DCAF8L2: variants seen among roughly 807,000 people sequenced by gnomAD.
DCAF8L2 encodes the protein DDB1- and CUL4-associated factor 8-like protein 2.
For synonymous variants in DCAF8L2, 200 were observed against 190.9 expected, an observed-to-expected ratio of 1.05 and a Z score of -0.39; for missense variants, 430 against 490.7, an observed-to-expected ratio of 0.88 and a Z score of 1.17.
intron 3 of DCAF8L2, among the ~76,000 whole-genome samples, chrX:27,701,535 GAATT>G (rs1931129483): frequency 1.8e-5 from 2 of 110,353 alleles, no homozygotes; most frequent in African/African-American, 3.3e-5. Context: ...TACTAAAAAA[GAATT>G]AAATTAGATA....
At chrX:27,591,198 A>G (rs1438191117) in intron 1 of DCAF8L2, among the ~76,000 whole-genome samples, 1 of 109,739 alleles carries the variant, frequency 9.1e-6, no homozygotes, top group East Asian at 2.9e-4. Flanking sequence ...AAGTTTTTCA[A>G]AAAATGTTTG....
rs56388041 is a variant in DCAF8L2, at chrX:27,598,974, A to ATATAT, written c.-342+8534_-342+8535insTATAT. 9.0e-3 allele frequency among the ~76,000 whole-genome samples: 830 copies of ATATAT among 92,145 alleles called. 15 individuals are homozygous for ATATAT. The highest frequency in any genetic ancestry group is 0.032 in the African/African-American group (753 of 23,587). The allele number at this position is 92,145 out of a possible 115,157, so 80.0% of individuals were successfully genotyped here. A position where few individuals can be genotyped will look rare whatever the true frequency, so the allele number is the denominator to read the frequency against. The stretch of plus-strand genomic sequence containing the variant: ...GGAAAGTTTCTCAAAAAAAAAAAAA[A>ATATAT]ATATATATATATATATATGATCCAG... On this transcript the variant is annotated intron_variant, in intron 1 of 4. Coordinates refer to ENST00000451261, the MANE Select transcript of DCAF8L2 (RefSeq NM_001353450.2).
intron 3 of DCAF8L2, among the ~76,000 whole-genome samples, chrX:27,692,493 C>G (rs997050225): frequency 9.0e-6 from 1 of 111,662 alleles, no homozygotes; most frequent in Non-Finnish European, 1.9e-5. Flanking sequence ...TATTTTCATT[C>G]AAATCTATTC....
At chrX:27,541,248 A>T in the DCAF8L2 span, among the ~76,000 whole-genome samples, 1 of 112,319 alleles carries the variant, frequency 8.9e-6, no homozygotes, top group African/African-American at 3.2e-5. Flanking sequence ...TCTGACAAAA[A>T]GAGTATGATC....
the DCAF8L2 span, among the ~76,000 whole-genome samples, chrX:27,579,615 T>TACACACACACACACACAC: frequency 2.2e-4 from 19 of 87,928 alleles, no homozygotes; most frequent in African/African-American, 6.1e-4. Context: ...TTCAGAGAAA[T>TACACACACACACACACAC]ACACACACAC....
the DCAF8L2 span, among the ~76,000 whole-genome samples, chrX:27,577,982 A>G: frequency 9.0e-6 from 1 of 111,495 alleles, no homozygotes; most frequent in Non-Finnish European, 1.9e-5. Context: ...GCCCAAAGTA[A>G]TTTATAGATT....
At chrX:27,546,652 C>T in the DCAF8L2 span, among the ~76,000 whole-genome samples, 1 of 112,255 alleles carries the variant, frequency 8.9e-6, no homozygotes, top group African/African-American at 3.2e-5. Flanking sequence ...TTTTGTGCAC[C>T]CACAGGCCCA....
chrX:27,605,875 A>G (rs1447637503), intron 1 of DCAF8L2, among the ~76,000 whole-genome samples: 1 of 111,328 alleles, frequency 9.0e-6, no homozygotes, highest in African/African-American at 3.3e-5. Context: ...AGACTTTTCT[A>G]TCTTAACCTC....
the DCAF8L2 span, among the ~76,000 whole-genome samples, chrX:27,568,613 G>A: frequency 9.3e-6 from 1 of 107,573 alleles, no homozygotes; most frequent in African/African-American, 3.4e-5. Flanking sequence ...TAAGAAGTTT[G>A]TAGAGCAAGT....
chrX:27,597,956 T>C (rs1181592232), intron 1 of DCAF8L2, among the ~76,000 whole-genome samples: 2 of 112,394 alleles, frequency 1.8e-5, no homozygotes, highest in African/African-American at 6.5e-5. Context: ...TATGTGACTC[T>C]TTCTCAAAGC....
chrX:27,696,279 AAAG>A (rs1930904898), intron 3 of DCAF8L2, among the ~76,000 whole-genome samples: 1 of 45,620 alleles, frequency 2.2e-5, no homozygotes, highest in Non-Finnish European at 4.1e-5. Context: ...AGAAAGAAAG[AAAG>A]AAAGAAAGAA....
At chrX:27,643,495 A>G (rs1375099353) in intron 2 of DCAF8L2, among the ~76,000 whole-genome samples, 1 of 112,073 alleles carries the variant, frequency 8.9e-6, no homozygotes, top group Admixed American at 9.5e-5. Context: ...ATAGAGACAG[A>G]TAAAAGAATC....
At chrX:27,499,513 C>T in the DCAF8L2 span, among the ~76,000 whole-genome samples, 33 of 111,801 alleles carry the variant, frequency 3.0e-4, no homozygotes, top group African/African-American at 1.0e-3. Flanking sequence ...TAAAGAACTA[C>T]TTGAGACTGG....
the DCAF8L2 span, among the ~76,000 whole-genome samples, chrX:27,564,874 G>A: frequency 1.8e-5 from 2 of 109,135 alleles, no homozygotes; most frequent in East Asian, 2.9e-4. Flanking sequence ...TTGTAGAAAC[G>A]GGGGTGTCCC....
intron 1 of DCAF8L2, among the ~76,000 whole-genome samples, chrX:27,590,991 T>TTA (rs10571931): frequency 0.069 from 4,703 of 67,982 alleles, 280 homozygotes; most frequent in African/African-American, 0.14. Flanking sequence ...CCTTTACATT[T>TTA]TATATATATA....
chrX:27,607,616 C>G (rs1038960269), intron 1 of DCAF8L2, among the ~76,000 whole-genome samples: 2 of 111,629 alleles, frequency 1.8e-5, no homozygotes, highest in Non-Finnish European at 3.8e-5. Flanking sequence ...GACACAGATG[C>G]AAGATTCAGC....
rs200876128 is a variant in DCAF8L2, at chrX:27,598,353, CA to C, written c.-342+7914del. Among the ~76,000 whole-genome samples, 1,066 of 108,263 alleles carry C rather than the reference CA, an allele frequency of 9.8e-3. 3 individuals carry two copies. The highest frequency in any genetic ancestry group is 0.019 in the Middle Eastern group (4 of 213). The allele number at this position is 108,263 out of a possible 115,157, so 94.0% of individuals were successfully genotyped here. A position where few individuals can be genotyped will look rare whatever the true frequency, so the allele number is the denominator to read the frequency against. On this transcript the variant is annotated intron_variant, in intron 1 of 4. Coordinates refer to ENST00000451261, the MANE Select transcript of DCAF8L2 (RefSeq NM_001353450.2). ...AGGTAGAATGTAATATAACCCCCCC[CA>C]CCCAACCCCCCCGAGGGGATGGGGC...
intron 4 of DCAF8L2, 179 bp from the exon 5 acceptor site, chrX:27,746,659 T>C (rs1438135385): frequency 2.8e-6 from 1 of 355,051 alleles, no homozygotes; most frequent in Non-Finnish European, 4.9e-6. Context: ...GCAGTCTGGA[T>C]GCTGCGAGGC....
At chrX:27,674,031 T>C (rs890238349) in intron 2 of DCAF8L2, among the ~76,000 whole-genome samples, 2 of 111,649 alleles carry the variant, frequency 1.8e-5, no homozygotes, top group African/African-American at 6.5e-5. Flanking sequence ...ATTTCCAAAC[T>C]TTTCCAAATG....
Sources: allele counts gnomAD v4.1 joint callset (sites outside exome capture counted in the v4.1 genomes callset), GRCh38; gene constraint gnomAD v4.1.1; transcripts MANE v1.5; gene names NCBI Gene and HGNC (gene_info 2026-07-23, HGNC 2026-07-21).